ETV1: variants seen among roughly 807,000 people sequenced by gnomAD.
ETV1 encodes ETS variant transcription factor 1, also known as ETS translocation variant 1.
A neutral mutation model predicts 62.3 loss-of-function variants in ETV1; 27 were observed. The observed-to-expected ratio is 0.43, with a 90% confidence interval of 0.32 to 0.60. The LOEUF (loss-of-function observed/expected upper bound fraction) is 0.60, where lower values mean the gene tolerates loss of function less well. Ranked by LOEUF, ETV1 falls within the 20% of genes least tolerant of loss-of-function variation. The probability of loss-of-function intolerance (pLI) is 0.06; values close to 1 mark genes in which losing one functional copy is unlikely to be tolerated. For synonymous variants in ETV1, 222 were observed against 199.6 expected (o/e 1.11, Z -0.94); for missense variants, 605 against 605.8 (o/e 1.00, Z 0.01).
chr7:13,930,599 G>GCA (rs1785989997), intron 9 of ETV1, among the ~76,000 whole-genome samples: 1 of 152,004 alleles, frequency 6.6e-6, no homozygotes. Flanking sequence ...GGGATTACAG[G>GCA]CGTGAGCCAC....
intron 6 of ETV1, among the ~76,000 whole-genome samples, chr7:13,968,284 T>C (rs1780514287): frequency 6.6e-6 from 1 of 151,978 alleles, no homozygotes; most frequent in Non-Finnish European, 1.5e-5. Flanking sequence ...AAGAAAAAGC[T>C]AAAGACTTGG....
chr7:13,957,126 C>T (rs1160758144), intron 6 of ETV1, among the ~76,000 whole-genome samples: 1 of 151,922 alleles, frequency 6.6e-6, no homozygotes, highest in African/African-American at 2.4e-5. Flanking sequence ...CGCTCTGTCG[C>T]CCAGGCTGGA....
intron 13 of ETV1, among the ~76,000 whole-genome samples, chr7:13,898,476 G>T (rs2128402958): frequency 6.6e-6 from 1 of 152,148 alleles, no homozygotes; most frequent in East Asian, 1.9e-4. Flanking sequence ...ATTGTTCTAG[G>T]CATTTCCTAA....
chr7:13,928,283 T>G (rs557306181), intron 9 of ETV1, among the ~76,000 whole-genome samples: 1 of 152,278 alleles, frequency 6.6e-6, no homozygotes, highest in East Asian at 1.9e-4. Context: ...ACAATATAAA[T>G]ATGAGGAGAA....
rs534426733 is a variant in ETV1, at chr7:13,954,162, C to A, written c.236-14916G>T. On this transcript the variant is annotated intron_variant, in intron 6 of 13. Transcript: ENST00000430479. ...TATTACTCACTAACAACAAGTAGTC[C>A]AATAAATGTATTAACATGAAATAAA... Among the ~76,000 whole-genome samples, 943 of 152,084 alleles carry A rather than the reference C, an allele frequency of 6.2e-3. 8 individuals carry two copies. Among genetic ancestry groups the A allele is most frequent in the African/African-American group, 0.022 (899 of 41,490 alleles).
At chr7:13,968,451 T>C (rs532472267) in intron 6 of ETV1, among the ~76,000 whole-genome samples, 11 of 151,688 alleles carry the variant, frequency 7.3e-5, no homozygotes, top group African/African-American at 2.7e-4. Context: ...GAAAAGTATC[T>C]ACTAGAGCAT....
intron 6 of ETV1, among the ~76,000 whole-genome samples, chr7:13,950,833 G>C (rs1188157117): frequency 6.6e-6 from 1 of 151,346 alleles, no homozygotes; most frequent in Non-Finnish European, 1.5e-5. Flanking sequence ...CCAATTAACT[G>C]TGATCATTTA....
rs1247959899 is a variant in ETV1 at position 13,939,243 on chromosome 7, G to C, written c.239C>G (p.Ala80Gly). 5.6e-6 allele frequency: 9 copies of C among 1,600,990 alleles called. No individual in the cohort carries two copies. Among genetic ancestry groups the C allele is most frequent in the Non-Finnish European group, 7.6e-6 (9 of 1,176,874 alleles). Reference sequence around the variant, plus strand: ...GATTTTCAGTGGCAGGCCATGAAAAGCCACTAGAAAAAAGAACAAAAATAT... The same window carrying C: ...GATTTTCAGTGGCAGGCCATGAAAACCCACTAGAAAAAAGAACAAAAATAT... ...FVPDYQAESL[A>G]FHGLPLKIKK... is the part of the protein sequence containing the mutation. Residue 80 changes from alanine to glycine, a missense_variant, in exon 7 of 14, where the codon GCT becomes GGT. Physicochemically the swap from Ala to Gly is moderately conservative, Grantham distance 60. Transcript: ENST00000430479.
intron 9 of ETV1, among the ~76,000 whole-genome samples, chr7:13,911,747 AG>A (rs1326697011): frequency 2.0e-5 from 3 of 152,220 alleles, no homozygotes; most frequent in African/African-American, 7.2e-5. Flanking sequence ...TATTATCAAA[AG>A]TTTTATTATG....
At chr7:13,954,385 T>C (rs1349867185) in intron 6 of ETV1, among the ~76,000 whole-genome samples, 1 of 152,166 alleles carries the variant, frequency 6.6e-6, no homozygotes, top group African/African-American at 2.4e-5. Flanking sequence ...CAATGGTACA[T>C]GGCTTACAAA....
chr7:13,901,672 G>A (rs1204608180), intron 12 of ETV1, among the ~76,000 whole-genome samples: 7 of 152,096 alleles, frequency 4.6e-5, no homozygotes, highest in African/African-American at 7.2e-5. Flanking sequence ...TTAATAAACC[G>A]AACTGCAAAT....
At chr7:13,919,400 G>C (rs911485048) in intron 9 of ETV1, among the ~76,000 whole-genome samples, 3 of 150,058 alleles carry the variant, frequency 2.0e-5, no homozygotes, top group Non-Finnish European at 4.4e-5. Flanking sequence ...AAAATTACCA[G>C]AACAGAGAGT....
chr7:13,909,553 T>A, intron 11 of ETV1, 79 bp downstream of exon 11: 2 of 1,004,122 alleles, frequency 2.0e-6, no homozygotes, highest in Non-Finnish European at 1.6e-6. Context: ...AGTAGGGATG[T>A]CCACTGTTTT....
In ETV1 at chr7:13,891,531, G is replaced by A. The variant is rs184927619; in HGVS notation, c.*4335C>T. ...ATATTTCTATAAAGATATCCACTTA[G>A]TCTAATCAAATTCTCCTCTTAAACT... On this transcript the variant is annotated 3_prime_UTR_variant, in exon 14 of 14. Coordinates refer to ENST00000430479, the MANE Select transcript of ETV1 (RefSeq NM_004956.5). 2.0e-3 allele frequency: 468 copies of A among 231,094 alleles called. 1 individual carries two copies. The highest frequency in any genetic ancestry group is 5.2e-3 in the Middle Eastern group (4 of 768). The allele number at this position is 231,094 out of a possible 1,614,324, so 14.3% of individuals were successfully genotyped here.
chr7:13,929,560 A>T (rs925130645), intron 9 of ETV1, among the ~76,000 whole-genome samples: 1 of 152,104 alleles, frequency 6.6e-6, no homozygotes, highest in South Asian at 2.1e-4. Context: ...TGAGCTCAAT[A>T]TTGGGCCACA....
intron 11 of ETV1, among the ~76,000 whole-genome samples, chr7:13,907,384 C>A (rs772095080): frequency 8.6e-5 from 13 of 151,928 alleles, no homozygotes; most frequent in Non-Finnish European, 1.5e-4. Context: ...AATGCATGCA[C>A]GAGAGATTTC....
chr7:13,911,238 A>G lies in ETV1; in HGVS notation c.871+1T>C. The G allele has an allele frequency of 6.2e-7, 1 of 1,610,412 alleles. No homozygotes were observed. Among genetic ancestry groups the G allele is most frequent in the South Asian group, 1.1e-5 (1 of 90,914 alleles). ...CGGAATTTCAGTGGTGGACAACTTAACTTCTGTTCTGCTGGGATGAGCCAG... is the reference window on the plus strand; with the variant it reads ...CGGAATTTCAGTGGTGGACAACTTAGCTTCTGTTCTGCTGGGATGAGCCAG... On this transcript the variant is annotated splice_donor_variant, in intron 10 of 13. Transcript: ENST00000430479. LOFTEE classifies it high-confidence loss of function.
chr7:13,987,138 A>C (rs532491616), intron 4 of ETV1: 4 of 154,518 alleles, frequency 2.6e-5, no homozygotes, highest in South Asian at 2.0e-4. Flanking sequence ...TACATGGTAC[A>C]ACTGTCAAAG....
At chr7:13,968,021 A>T (rs1562694957) in intron 6 of ETV1, among the ~76,000 whole-genome samples, 1 of 152,008 alleles carries the variant, frequency 6.6e-6, no homozygotes. Flanking sequence ...CTTTACCTAG[A>T]TTTTTCCAAT....
Sources: allele counts gnomAD v4.1 joint callset (sites outside exome capture counted in the v4.1 genomes callset), GRCh38; gene constraint gnomAD v4.1.1; transcripts MANE v1.5; gene names NCBI Gene and HGNC (gene_info 2026-07-23, HGNC 2026-07-21).